The following NBPF3 variants were observed in gnomAD, a reference collection of about 807,000 sequenced individuals.
NBPF3 encodes NBPF family member NBPF3.
In NBPF3, 57 loss-of-function variants were observed where a neutral mutation model predicts 78.1. That is an observed-to-expected ratio of 0.73 (90% confidence interval 0.59 to 0.91). The LOEUF (loss-of-function observed/expected upper bound fraction) is 0.91, where lower values mean the gene tolerates loss of function less well. Ranked by LOEUF, NBPF3 falls within the 40% of genes least tolerant of loss-of-function variation. The pLI, the probability that NBPF3 is intolerant of heterozygous loss-of-function variation, is 0.00. For missense variants in NBPF3, 510 were observed against 715.3 expected (o/e 0.71, Z 3.27); for synonymous variants, 182 against 271.7 (o/e 0.67, Z 3.25).
intron 2 of NBPF3, among the ~76,000 whole-genome samples, chr1:21,449,429 A>G (rs965833196): frequency 6.6e-6 from 1 of 151,832 alleles, no homozygotes; most frequent in African/African-American, 2.4e-5. Context: ...TTTTCACATA[A>G]TAATATGTGG....
At chr1:21,477,959 C>G in intron 8 of NBPF3, 185 bp from the exon 9 acceptor site, 3 of 1,305,360 alleles carry the variant, frequency 2.3e-6, no homozygotes, top group Non-Finnish European at 3.1e-6. Context: ...CATTTTTGTT[C>G]GGTCCTCAGA....
chr1:21,457,941 CA>C (rs1641724227), intron 2 of NBPF3, among the ~76,000 whole-genome samples: 1 of 152,146 alleles, frequency 6.6e-6, no homozygotes, highest in Non-Finnish European at 1.5e-5. Flanking sequence ...CAGACCAAGT[CA>C]AAATTACAAA....
intron 2 of NBPF3, chr1:21,468,019 G>C (rs1463387233): frequency 6.6e-6 from 1 of 152,444 alleles, no homozygotes; most frequent in East Asian, 1.9e-4. Flanking sequence ...TCACTTTCTA[G>C]TGGATACAGA....
At position 21,450,459 on chromosome 1, in the gene NBPF3, C is replaced by T. The variant is rs79603483; in HGVS notation, c.133+5240C>T. ...GATCCAGTTCATGCAGGTAACCTCA[C>T]CAGCTCAAAGTCATATAACTGGCAT... On this transcript the variant is annotated intron_variant, in intron 2 of 14. Transcript: ENST00000318249. Among the ~76,000 whole-genome samples the T allele has an allele frequency of 2.5e-4, 38 of 152,254 alleles. No homozygotes were observed. In the East Asian group the frequency reaches 6.2e-3, roughly 25 times the overall value.
chr1:21,463,734 A>G (rs1231591943), intron 2 of NBPF3, among the ~76,000 whole-genome samples: 9 of 152,222 alleles, frequency 5.9e-5, no homozygotes, highest in Non-Finnish European at 8.8e-5. Context: ...CCTAGAGTAT[A>G]TAAGGAATTC....
intron 2 of NBPF3, among the ~76,000 whole-genome samples, chr1:21,458,213 T>A (rs1384089115): frequency 6.6e-6 from 1 of 152,150 alleles, no homozygotes; most frequent in Non-Finnish European, 1.5e-5. Flanking sequence ...CTGGGGAGTT[T>A]CTTCAGACCC....
chr1:21,455,735 A>C (rs1487968681), intron 2 of NBPF3, among the ~76,000 whole-genome samples: 2 of 152,252 alleles, frequency 1.3e-5, no homozygotes, highest in African/African-American at 4.8e-5. Context: ...TCAAAGGTGC[A>C]GCTCTCAAAG....
upstream of NBPF3, among the ~76,000 whole-genome samples, chr1:21,437,715 C>T (rs931229572): frequency 6.6e-6 from 1 of 151,434 alleles, no homozygotes; most frequent in Admixed American, 6.6e-5. Flanking sequence ...AGTGCAGTGG[C>T]GAGATCTCGG....
intron 1 of NBPF3, among the ~76,000 whole-genome samples, chr1:21,442,052 T>G (rs1640683127): frequency 6.6e-6 from 1 of 152,232 alleles, no homozygotes; most frequent in South Asian, 2.1e-4. Context: ...CTGTTAAACC[T>G]TTTTATCCAG....
chr1:21,473,328 C>A, intron 6 of NBPF3, 52 bp from the exon 7 acceptor site: 1 of 1,587,378 alleles, frequency 6.3e-7, no homozygotes, highest in Non-Finnish European at 8.7e-7. Context: ...CCCTGGTGTC[C>A]AATCCCTCTG....
In NBPF3 at chr1:21,460,333, C is replaced by G. The variant is rs1045432558; in HGVS notation, c.134-8355C>G. On this transcript the variant is annotated intron_variant, in intron 2 of 14. Coordinates refer to ENST00000318249, the MANE Select transcript of NBPF3 (RefSeq NM_032264.6). The surrounding 1 kb of genome is among the most constrained non-coding windows in gnomAD (Gnocchi z 4.2). ...TGGTTTGCTGCACCCATTAACTCGT[C>G]ATTTACATTCGGTATTTCTCCTAAT... is the stretch of plus-strand genomic sequence containing the variant. Among the ~76,000 whole-genome samples the G allele has an allele frequency of 1.3e-5, 2 of 152,190 alleles. No individual in the cohort carries two copies. The highest frequency in any genetic ancestry group is 2.9e-5 in the Non-Finnish European group (2 of 68,042).
At chr1:21,479,242 C>G (rs1337613167) in intron 9 of NBPF3, 107 bp from the exon 10 acceptor site, 1 of 1,208,956 alleles carries the variant, frequency 8.3e-7, no homozygotes, top group Non-Finnish European at 1.2e-6. Context: ...CTCCTATTCT[C>G]ACACTGAGAA....
chr1:21,467,922 G>GA (rs1273351213), intron 2 of NBPF3, among the ~76,000 whole-genome samples: 3 of 152,146 alleles, frequency 2.0e-5, no homozygotes, highest in South Asian at 2.1e-4. Context: ...GCCCCAGTGA[G>GA]AAAAAAGAAA....
At chr1:21,448,386 G>C (rs916289983) in intron 2 of NBPF3, among the ~76,000 whole-genome samples, 1 of 151,984 alleles carries the variant, frequency 6.6e-6, no homozygotes, top group Non-Finnish European at 1.5e-5. Flanking sequence ...AGTTGGAAAG[G>C]CTGTCTTTGC....
At chr1:21,437,441 C>T, upstream of NBPF3, 1 of 1,402,716 alleles carries the variant, frequency 7.1e-7, no homozygotes, top group Non-Finnish European at 9.6e-7. Context: ...GATGTAGCGC[C>T]TGCGGGACAA....
At chr1:21,479,243 A>C in intron 9 of NBPF3, 106 bp from the exon 10 acceptor site, 2 of 1,216,540 alleles carry the variant, frequency 1.6e-6, no homozygotes, top group South Asian at 2.4e-5. Context: ...TCCTATTCTC[A>C]CACTGAGAAG....
intron 2 of NBPF3, among the ~76,000 whole-genome samples, chr1:21,450,295 C>T (rs551660590): frequency 6.6e-6 from 1 of 152,318 alleles, no homozygotes; most frequent in South Asian, 2.1e-4. Context: ...CCAGAGGCAA[C>T]CTGCTTTCCT....
chr1:21,438,604 T>G (rs1420651867), upstream of NBPF3, among the ~76,000 whole-genome samples: 1 of 152,228 alleles, frequency 6.6e-6, no homozygotes, highest in Non-Finnish European at 1.5e-5. Context: ...TCATTAATAT[T>G]GTTATTGCCA....
chr1:21,475,908 A>G (rs533675511), intron 8 of NBPF3, among the ~76,000 whole-genome samples: 2 of 144,018 alleles, frequency 1.4e-5, no homozygotes, highest in African/African-American at 5.0e-5. Context: ...TGGGAGTCTA[A>G]GTCTCTTTTT....
Sources: gnomAD v4.1 joint callset for allele counts (sites outside exome capture counted in the v4.1 genomes callset) on GRCh38, gnomAD v4.1.1 for gene constraint, Gnocchi (gnomAD v3.1) non-coding constraint, MANE v1.5 for transcripts, NCBI Gene and HGNC (gene_info 2026-07-23, HGNC 2026-07-21) for gene names.